The following TBC1D12 variants were observed in gnomAD, a reference collection of about 807,000 sequenced individuals.
TBC1D12 encodes the protein TBC1 domain family member 12.
A neutral mutation model predicts 86.7 loss-of-function variants in TBC1D12; 56 were observed. The observed-to-expected ratio is 0.65, with a 90% CI of 0.52 to 0.81. The LOEUF is 0.81. TBC1D12 is among the 30% of genes least tolerant of loss of function. The pLI, the probability that TBC1D12 is intolerant of heterozygous loss-of-function variation, is 0.00. For missense variants in TBC1D12, 1,023 were observed against 1,038.8 expected (o/e 0.98, Z 0.21); for synonymous variants, 421 against 411.7 (o/e 1.02, Z -0.27).
chr10:94,498,508 C>T (rs144377383), intron 5 of TBC1D12, among the ~76,000 whole-genome samples: 2,134 of 151,940 alleles, frequency 0.014, 35 homozygotes, highest in South Asian at 0.057. Flanking sequence ...GGCTGGAGTG[C>T]AGTGGCGCGA....
intron 1 of TBC1D12, among the ~76,000 whole-genome samples, chr10:94,427,538 GA>G (rs1263580358): frequency 2.6e-5 from 4 of 151,958 alleles, no homozygotes; most frequent in Non-Finnish European, 5.9e-5. Flanking sequence ...TGCAAAAGAA[GA>G]AAAAGATCTC....
At chr10:94,418,555 CTATTATTATTAT>C (rs147676016) in intron 1 of TBC1D12, among the ~76,000 whole-genome samples, 1 of 149,516 alleles carries the variant, frequency 6.7e-6, no homozygotes. Context: ...ATACTTTGGT[CTATTATTATTAT>C]TATTATTATT....
At chr10:94,476,301 ATTC>A (rs1276479084) in intron 3 of TBC1D12, among the ~76,000 whole-genome samples, 1 of 152,182 alleles carries the variant, frequency 6.6e-6, no homozygotes, top group East Asian at 1.9e-4. Flanking sequence ...TAAGTACATT[ATTC>A]TTTTATTCTG....
chr10:94,531,059 C>A (rs935527201), intron 11 of TBC1D12, 143 bp from the exon 12 acceptor site: 3 of 885,326 alleles, frequency 3.4e-6, no homozygotes, highest in Admixed American at 5.4e-5. Context: ...GGGGTTTCAC[C>A]GTGTTGGCCA....
At chr10:94,484,118 C>G (rs1356221965) in intron 3 of TBC1D12, among the ~76,000 whole-genome samples, 1 of 152,040 alleles carries the variant, frequency 6.6e-6, no homozygotes, top group Non-Finnish European at 1.5e-5. Context: ...TTTCTGGGTT[C>G]TCTGTTCTGT....
intron 1 of TBC1D12, among the ~76,000 whole-genome samples, chr10:94,416,379 G>GA (rs2054998069): frequency 1.3e-5 from 2 of 152,002 alleles, no homozygotes; most frequent in African/African-American, 4.8e-5. Flanking sequence ...GCCTATTGAG[G>GA]GTATTAGTTG....
At chr10:94,509,388 C>G (rs543552861) in intron 7 of TBC1D12, 2 of 152,412 alleles carry the variant, frequency 1.3e-5, no homozygotes, top group East Asian at 3.9e-4. Context: ...CCACCACACC[C>G]GGACCAAAGT....
chr10:94,531,062 G>T, intron 11 of TBC1D12, 140 bp from the exon 12 acceptor site: 1 of 938,162 alleles, frequency 1.1e-6, no homozygotes, highest in East Asian at 2.5e-5. Context: ...GTTTCACCGT[G>T]TTGGCCAGGA....
At chr10:94,478,668 G>T (rs947605102) in intron 3 of TBC1D12, among the ~76,000 whole-genome samples, 11 of 152,312 alleles carry the variant, frequency 7.2e-5, no homozygotes, top group Admixed American at 7.2e-4. Flanking sequence ...CAATGATGGT[G>T]CTCTAAAGGT....
intron 1 of TBC1D12, among the ~76,000 whole-genome samples, chr10:94,414,090 C>A (rs1331436794): frequency 6.6e-6 from 1 of 151,894 alleles, no homozygotes; most frequent in East Asian, 1.9e-4. Context: ...ATAAAATGTT[C>A]ACATTATTTG....
At chr10:94,503,369 C>T (rs1232022761) in intron 6 of TBC1D12, among the ~76,000 whole-genome samples, 1 of 152,068 alleles carries the variant, frequency 6.6e-6, no homozygotes, top group Non-Finnish European at 1.5e-5. Context: ...AAACAAATAA[C>T]CTTTGACTGT....
At chr10:94,420,874 A>G (rs1008669371) in intron 1 of TBC1D12, among the ~76,000 whole-genome samples, 1 of 152,086 alleles carries the variant, frequency 6.6e-6, no homozygotes, top group Non-Finnish European at 1.5e-5. Context: ...TTTTATTTTT[A>G]ATTGACGAAT....
At chr10:94,409,478 C>T (rs1227433335) in intron 1 of TBC1D12, among the ~76,000 whole-genome samples, 1 of 148,106 alleles carries the variant, frequency 6.8e-6, no homozygotes, top group African/African-American at 2.5e-5. Flanking sequence ...CTCAATTGAT[C>T]CTTTCAGCTC....
rs139870876 is a variant in TBC1D12, at chr10:94,504,590, A to G, written c.1520-2677A>G. ...ATGAAATTTATAATCATTAGAGAAT[A>G]GTAGCTAAGAGTAAGGGCTCTAAAG... On this transcript the variant is annotated intron_variant, in intron 6 of 12. Coordinates refer to ENST00000225235, the MANE Select transcript of TBC1D12 (RefSeq NM_015188.2). Among the ~76,000 whole-genome samples, 907 of 152,312 alleles carry G rather than the reference A, an allele frequency of 6.0e-3. 6 individuals carry two copies. The highest frequency in any genetic ancestry group is 0.016 in the African/African-American group (653 of 41,578).
At chr10:94,415,257 A>G (rs1036109107) in intron 1 of TBC1D12, among the ~76,000 whole-genome samples, 6 of 152,234 alleles carry the variant, frequency 3.9e-5, no homozygotes, top group African/African-American at 1.2e-4. Context: ...TTGAAGAGTG[A>G]TAACATTTAA....
In TBC1D12 at chr10:94,402,893, C is replaced by G; in HGVS notation, c.280C>G (p.Gln94Glu). The change falls in exon 1 of 13, where the codon CAG (glutamine) becomes GAG (glutamate). Residue 94 changes from glutamine (Q) to glutamate (E), a missense_variant. Physicochemically the swap from Gln to Glu is conservative, Grantham distance 29. Around this residue, in one of 2 missense-constraint regions of TBC1D12, gnomAD observed 628 missense variants for 531.1 expected, o/e 1.18. Transcript: ENST00000225235. The part of the protein sequence containing the change: ...GLCYCPLPAG[Q>E]AGAPPPSAAP... ...CTGCTACTGTCCGCTCCCCGCTGGC[C>G]AGGCCGGCGCCCCGCCGCCCTCGGC... The G allele has an allele frequency of 2.3e-5, 34 of 1,487,680 alleles. No homozygotes were observed. The highest frequency in any genetic ancestry group is 2.9e-5 in the Non-Finnish European group (33 of 1,126,116). 92.2% of individuals were successfully genotyped at this position (1,487,680 alleles called of 1,614,324 possible).
chr10:94,491,806 A>C (rs999589944), intron 3 of TBC1D12, among the ~76,000 whole-genome samples: 5 of 108,526 alleles, frequency 4.6e-5, no homozygotes, highest in African/African-American at 1.4e-4. Flanking sequence ...TTATTTTATT[A>C]GTAATGCCCC....
chr10:94,429,000 C>G (rs796979920), intron 1 of TBC1D12, among the ~76,000 whole-genome samples: 5 of 152,154 alleles, frequency 3.3e-5, no homozygotes, highest in African/African-American at 1.2e-4. Flanking sequence ...TCATCATGCT[C>G]AGCAGGTTGA....
chr10:94,464,362 C>T (rs2055775045), intron 2 of TBC1D12, among the ~76,000 whole-genome samples: 1 of 151,946 alleles, frequency 6.6e-6, no homozygotes, highest in Non-Finnish European at 1.5e-5. Flanking sequence ...TGTCACTGCA[C>T]TTTATCACCA....
Sources: allele counts gnomAD v4.1 joint callset (sites outside exome capture counted in the v4.1 genomes callset), GRCh38; gene constraint gnomAD v4.1.1; regional missense constraint gnomAD v4.1.1; transcripts MANE v1.5; gene names NCBI Gene and HGNC (gene_info 2026-07-23, HGNC 2026-07-21).